The following HORMAD2 variants were observed in gnomAD, a reference collection of about 807,000 sequenced individuals.
HORMAD2 encodes HORMA domain-containing protein 2.
Under a neutral mutation model 38.8 loss-of-function variants are expected in HORMAD2, and 45 were observed. The observed-to-expected ratio is 1.16, with a 90% CI of 0.91 to 1.49. The LOEUF (loss-of-function observed/expected upper bound fraction) is 1.49, where lower values mean the gene tolerates loss of function less well. HORMAD2 is among the 40% of genes most tolerant of loss of function. The pLI, the probability that HORMAD2 is intolerant of heterozygous loss-of-function variation, is 0.00. For missense variants in HORMAD2, 338 were observed against 367.0 expected, an observed-to-expected ratio of 0.92 and a Z score of 0.65; for synonymous variants, 126 against 122.8, an observed-to-expected ratio of 1.03 and a Z score of -0.17.
rs759051391 is a variant in HORMAD2, at chr22:30,103,490, A to G, written c.247A>G (p.Ile83Val). The change falls in exon 4 of 11, where the codon ATT (isoleucine) becomes GTT (valine). Residue 83 changes from isoleucine (I) to valine (V), a missense_variant. Ile to Val is a conservative substitution (Grantham distance 29, BLOSUM62 3). Coordinates refer to ENST00000336726, the MANE Select transcript of HORMAD2 (RefSeq NM_152510.4). Reference protein sequence around the residue: ...EDKKCPGSLHIIRWIQGCFDA... With the variant: ...EDKKCPGSLHVIRWIQGCFDA... ...TAAAAAATGTCCCGGGTCACTGCAT[A>G]TTATCAGATGGTAAGTAATAGAAAT... The G allele has an allele frequency of 3.4e-5, 51 of 1,505,202 alleles. No homozygotes were observed. The highest frequency in any genetic ancestry group is 4.3e-5 in the Non-Finnish European group (48 of 1,104,080). The allele number at this position is 1,505,202 out of a possible 1,614,324, so 93.2% of individuals were successfully genotyped here. A position where few individuals can be genotyped will look rare whatever the true frequency, so the allele number is the denominator to read the frequency against.
chr22:30,115,673 C>A (rs946960297), intron 7 of HORMAD2, among the ~76,000 whole-genome samples: 13 of 152,038 alleles, frequency 8.6e-5, no homozygotes, highest in African/African-American at 3.1e-4. Context: ...AGCCTACGTT[C>A]TTATGAGGTA....
intron 4 of HORMAD2, 76 bp from the exon 5 acceptor site, chr22:30,104,325 C>A: frequency 8.7e-7 from 1 of 1,147,010 alleles, no homozygotes; most frequent in South Asian, 1.3e-5. Context: ...GCAAAAAGTG[C>A]AAATGAATTC....
At chr22:30,196,872 TTTACTC>T in the HORMAD2 span, among the ~76,000 whole-genome samples, 2 of 152,174 alleles carry the variant, frequency 1.3e-5, no homozygotes, top group African/African-American at 4.8e-5. Context: ...TCAGGGGACT[TTTACTC>T]AGGCGGATTT....
chr22:30,093,002 G>GT (rs988298430), intron 1 of HORMAD2, among the ~76,000 whole-genome samples: 8 of 152,006 alleles, frequency 5.3e-5, no homozygotes, highest in Admixed American at 2.6e-4. Flanking sequence ...AATTTTAGGA[G>GT]TTTTTTTCCG....
At chr22:30,082,205 T>A (rs1297552989) in intron 1 of HORMAD2, among the ~76,000 whole-genome samples, 1 of 152,180 alleles carries the variant, frequency 6.6e-6, no homozygotes. Flanking sequence ...GAAGGTAATA[T>A]AGTTACATTT....
intron 10 of HORMAD2, among the ~76,000 whole-genome samples, chr22:30,148,175 A>G (rs1191481898): frequency 6.6e-6 from 1 of 152,236 alleles, no homozygotes; most frequent in Non-Finnish European, 1.5e-5. Flanking sequence ...AGAACAAACA[A>G]ATGATACATG....
chr22:30,095,613 A>T (rs539998457), intron 2 of HORMAD2, among the ~76,000 whole-genome samples: 1 of 152,248 alleles, frequency 6.6e-6, no homozygotes, highest in Middle Eastern at 3.4e-3. Context: ...GAGGGAGAGG[A>T]TTTTTATATG....
At chr22:30,200,051 G>A in the HORMAD2 span, among the ~76,000 whole-genome samples, 1 of 152,100 alleles carries the variant, frequency 6.6e-6, no homozygotes, top group East Asian at 1.9e-4. Context: ...CGAGTAGCTG[G>A]AATTACAGGA....
downstream of HORMAD2, among the ~76,000 whole-genome samples, chr22:30,177,700 AT>A (rs761565433): frequency 1.4e-5 from 2 of 145,560 alleles, no homozygotes; most frequent in Non-Finnish European, 3.0e-5. Flanking sequence ...TAGGAGATCA[AT>A]TTATAAGGAG....
chr22:30,128,416 C>T (rs756886738), intron 10 of HORMAD2, among the ~76,000 whole-genome samples: 89 of 151,338 alleles, frequency 5.9e-4, no homozygotes, highest in Admixed American at 1.2e-3. Context: ...AAATATGTTC[C>T]ACTTTAATCT....
At chr22:30,089,168 C>A (rs533345154) in intron 1 of HORMAD2, among the ~76,000 whole-genome samples, 1 of 152,126 alleles carries the variant, frequency 6.6e-6, no homozygotes, top group East Asian at 1.9e-4. Flanking sequence ...GAAAAATCTT[C>A]AAGAATCTTG....
At chr22:30,086,174 C>T (rs939621089) in intron 1 of HORMAD2, among the ~76,000 whole-genome samples, 1 of 152,100 alleles carries the variant, frequency 6.6e-6, no homozygotes, top group Non-Finnish European at 1.5e-5. Flanking sequence ...CTTCTCTGGC[C>T]GTGTAAAACA....
chr22:30,132,707 T>C (rs1923372395), intron 10 of HORMAD2, among the ~76,000 whole-genome samples: 1 of 152,234 alleles, frequency 6.6e-6, no homozygotes, highest in African/African-American at 2.4e-5. Context: ...CTGTTAACTG[T>C]GCAAAGAGGA....
intron 10 of HORMAD2, among the ~76,000 whole-genome samples, chr22:30,151,456 A>G (rs1236042057): frequency 6.6e-6 from 1 of 152,198 alleles, no homozygotes; most frequent in Non-Finnish European, 1.5e-5. Context: ...TACTACTTTA[A>G]TTCATACAGG....
intron 1 of HORMAD2, among the ~76,000 whole-genome samples, chr22:30,085,191 T>G (rs1356195045): frequency 6.6e-6 from 1 of 151,796 alleles, no homozygotes; most frequent in Non-Finnish European, 1.5e-5. Flanking sequence ...GATCACATAT[T>G]GTATGGTTTC....
intron 10 of HORMAD2, among the ~76,000 whole-genome samples, chr22:30,136,112 A>C (rs1948107906): frequency 6.6e-6 from 1 of 152,256 alleles, no homozygotes; most frequent in Non-Finnish European, 1.5e-5. Flanking sequence ...TAATCTTCAA[A>C]GTATGGAAAC....
chr22:30,176,092 G>A lies in HORMAD2; in HGVS notation c.849G>A (p.Gln283=), dbSNP rs1601603163. ...HIQRMNFVCS[Q]QSSECSRKKR... ...AAAGAATGAATTTTGTGTGCAGTCA[G>A]CAAAGTTCTGAGTGCTCCAGGAAGA... is the stretch of plus-strand genomic sequence containing the variant. The change falls in exon 11 of 11, where the codon CAG becomes CAA. Residue 283 remains glutamine, a synonymous_variant. Coordinates refer to ENST00000336726, the MANE Select transcript of HORMAD2 (RefSeq NM_152510.4). 5.0e-6 allele frequency: 8 copies of A among 1,612,994 alleles called. No homozygotes were observed. Among genetic ancestry groups the A allele is most frequent in the East Asian group, 2.2e-5 (1 of 44,874 alleles).
At chr22:30,092,127 C>G (rs1368722335) in intron 1 of HORMAD2, among the ~76,000 whole-genome samples, 1 of 151,528 alleles carries the variant, frequency 6.6e-6, no homozygotes, top group Admixed American at 6.6e-5. Flanking sequence ...GTGATCCACC[C>G]ACCTTGGCCT....
intron 1 of HORMAD2, among the ~76,000 whole-genome samples, chr22:30,080,832 T>C (rs889889672): frequency 3.9e-5 from 6 of 152,108 alleles, no homozygotes; most frequent in African/African-American, 1.4e-4. Flanking sequence ...GCAGACGATG[T>C]CTGTGCCCGA....
Sources: allele counts gnomAD v4.1 joint callset (sites outside exome capture counted in the v4.1 genomes callset), GRCh38; gene constraint gnomAD v4.1.1; transcripts MANE v1.5; gene names NCBI Gene and HGNC (gene_info 2026-07-23, HGNC 2026-07-21).